C1QB: variants seen among roughly 807,000 people sequenced by gnomAD.
The protein encoded by C1QB is complement C1q B chain.
In C1QB, 2 loss-of-function variants were observed where a neutral mutation model predicts 4.6. The observed-to-expected ratio is 0.43, with a 90% CI of 0.18 to 1.36. The LOEUF (loss-of-function observed/expected upper bound fraction) is 1.36. Ranked by LOEUF, C1QB falls within the 40% of genes most tolerant of loss-of-function variation. The probability of loss-of-function intolerance (pLI) is 0.28; values close to 1 mark genes in which losing one functional copy is unlikely to be tolerated. For synonymous variants in C1QB, 132 were observed against 137.1 expected, an observed-to-expected ratio of 0.96 and a Z score of 0.26; for missense variants, 292 against 338.0, an observed-to-expected ratio of 0.86 and a Z score of 1.07.
At chr1:22,654,865 C>T (rs535382795) in intron 1 of C1QB, among the ~76,000 whole-genome samples, 53 of 152,362 alleles carry the variant, frequency 3.5e-4, no homozygotes, top group Non-Finnish European at 6.0e-4. Context: ...CCTACCACTA[C>T]CCTTGGTGTG....
intron 2 of C1QB, 116 bp from the exon 3 acceptor site, chr1:22,660,696 G>A (rs999377308): frequency 5.3e-5 from 58 of 1,084,632 alleles, no homozygotes; most frequent in African/African-American, 9.3e-5. Context: ...TGCCTCCTTC[G>A]TTTTACAGAT....
rs2148306591 is a variant in C1QB at position 22,661,385 on chromosome 1, G to A, written c.755G>A (p.Ter252=). ...GFLLFPDMEA[*] is the part of the protein sequence containing the mutation. ...CTGCTCTTTCCAGATATGGAGGCCT[G>A]ACCTGTGGGCTGCTTCACATCCACC... is the stretch of plus-strand genomic sequence containing the variant. Residue 252 remains the stop codon, a stop_retained_variant, in exon 3 of 3, where the codon TGA becomes TAA. Coordinates refer to ENST00000509305, the MANE Select transcript of C1QB (RefSeq NM_001378156.1). 6.2e-7 allele frequency: 1 copy of A among 1,613,818 alleles called. No individual in the cohort carries two copies. The highest frequency in any genetic ancestry group is 1.6e-4 in the Middle Eastern group (1 of 6,062).
At chr1:22,654,300 C>T (rs1642496180) in intron 1 of C1QB, 4 of 152,154 alleles carry the variant, frequency 2.6e-5, no homozygotes, top group African/African-American at 9.7e-5. Flanking sequence ...GGGCTAGAAC[C>T]AGCACTTTCC....
intron 2 of C1QB, 132 bp from the exon 3 acceptor site, chr1:22,660,680 T>C: frequency 1.1e-6 from 1 of 902,070 alleles, no homozygotes; most frequent in Non-Finnish European, 1.8e-6. Flanking sequence ...AGCCCCTGCC[T>C]GACACTGCCT....
chr1:22,658,611 G>A (rs566787158), intron 1 of C1QB, among the ~76,000 whole-genome samples: 6 of 152,364 alleles, frequency 3.9e-5, no homozygotes, highest in South Asian at 4.1e-4. Context: ...GACTGTATCC[G>A]TCTTGTTCTT....
intron 2 of C1QB, among the ~76,000 whole-genome samples, chr1:22,660,103 T>A (rs1642598461): frequency 6.6e-6 from 1 of 152,246 alleles, no homozygotes; most frequent in South Asian, 2.1e-4. Flanking sequence ...GGTTTATTCA[T>A]TCATTTAACC....
Position 22,659,474 on chromosome 1 carries a change from A to G in C1QB, c.12A>G (p.Pro4=), listed in dbSNP as rs1443010376. The G allele has an allele frequency of 6.2e-7, 1 of 1,613,912 alleles. No homozygotes were observed. The highest frequency in any genetic ancestry group is 8.5e-7 in the Non-Finnish European group (1 of 1,179,986). MKI[P]WGSIPVLMLL... is the part of the protein sequence containing the mutation. ...GACACAGTATGATGATGAAGATCCC[A>G]TGGGGCAGCATCCCAGTACTGATGT... Residue 4 remains proline, a synonymous_variant, in exon 2 of 3, where the codon CCA becomes CCG. Coordinates refer to ENST00000509305, the MANE Select transcript of C1QB (RefSeq NM_001378156.1).
In C1QB at chr1:22,661,065, C is replaced by T. The variant is rs530198220; in HGVS notation, c.435C>T (p.Thr145=). 1.1e-5 allele frequency: 17 copies of T among 1,614,108 alleles called. No homozygotes were observed. The highest frequency in any genetic ancestry group is 3.3e-5 in the Admixed American group (2 of 60,020). Residue 145 remains threonine, a synonymous_variant, in exon 3 of 3, where the codon ACC becomes ACT. Transcript: ENST00000509305. ...CCATCCGCTTCGACCACGTGATCAC[C>T]AACATGAACAACAATTATGAGCCCC... The part of the protein sequence containing the change: ...DQTIRFDHVI[T]NMNNNYEPRS...
intron 1 of C1QB, chr1:22,654,078 C>T (rs1410339585): frequency 1.3e-5 from 2 of 152,296 alleles, no homozygotes; most frequent in African/African-American, 4.8e-5. Context: ...GGTTATGCAG[C>T]CGGTAGCAGA....
chr1:22,659,915 G>A (rs189735932), intron 2 of C1QB, among the ~76,000 whole-genome samples: 4 of 152,292 alleles, frequency 2.6e-5, no homozygotes, highest in African/African-American at 7.2e-5. Flanking sequence ...TTAAATTCAG[G>A]TGGAGAGGGA....
intron 1 of C1QB, 94 bp from the exon 2 acceptor site, chr1:22,659,346 A>AGATGGATGGATG (rs140338008): frequency 4.4e-5 from 38 of 859,766 alleles, no homozygotes; most frequent in African/African-American, 2.6e-4. Flanking sequence ...AGGAATAGAG[A>AGATGGATGGATG]GATGGATGGA....
intron 1 of C1QB, 141 bp from the exon 2 acceptor site, chr1:22,659,298 AT>A: frequency 6.2e-6 from 4 of 640,870 alleles, no homozygotes; most frequent in East Asian, 7.5e-5. Flanking sequence ...AGAGAGATGG[AT>A]GGATGGATGG....
intron 1 of C1QB, among the ~76,000 whole-genome samples, chr1:22,656,451 A>T (rs1197582364): frequency 6.6e-6 from 1 of 152,146 alleles, no homozygotes; most frequent in East Asian, 1.9e-4. Flanking sequence ...AGGCAGGAGG[A>T]TGGCTTGAGC....
chr1:22,661,538 A>C lies in C1QB; in HGVS notation c.*152A>C. The C allele has an allele frequency of 1.1e-6, 1 of 870,908 alleles. No homozygotes were observed. Among genetic ancestry groups the C allele is most frequent in the South Asian group, 1.5e-5 (1 of 66,470 alleles). 53.9% of individuals were successfully genotyped at this position (870,908 alleles called of 1,614,324 possible). ...AATAAACTCTTCAAGGCCAAGGGAC[A>C]GTGGTCTAATTCAACTCTGTGTCCC... On this transcript the variant is annotated 3_prime_UTR_variant, in exon 3 of 3. Coordinates refer to ENST00000509305, the MANE Select transcript of C1QB (RefSeq NM_001378156.1).
intron 2 of C1QB, among the ~76,000 whole-genome samples, chr1:22,660,277 C>T (rs1642601268): frequency 6.6e-6 from 1 of 152,186 alleles, no homozygotes; most frequent in Admixed American, 6.5e-5. Flanking sequence ...GCAGATGTGA[C>T]ACGCAAAGCA....
chr1:22,659,692 T>G, intron 2 of C1QB, 49 bp downstream of exon 2: 1 of 1,559,992 alleles, frequency 6.4e-7, no homozygotes. Context: ...AAATTTCCCG[T>G]CTCCTGCCTC....
At chr1:22,653,597 A>G (rs1570092315) in intron 1 of C1QB, among the ~76,000 whole-genome samples, 1 of 152,144 alleles carries the variant, frequency 6.6e-6, no homozygotes, top group African/African-American at 2.4e-5. Context: ...CACCTTATGT[A>G]TTGGTTATCT....
At chr1:22,660,275 G>A (rs541951178) in intron 2 of C1QB, among the ~76,000 whole-genome samples, 3 of 152,286 alleles carry the variant, frequency 2.0e-5, no homozygotes, top group Non-Finnish European at 2.9e-5. Flanking sequence ...TGGCAGATGT[G>A]ACACGCAAAG....
At chr1:22,657,559 C>A (rs1183468484) in intron 1 of C1QB, among the ~76,000 whole-genome samples, 1 of 151,980 alleles carries the variant, frequency 6.6e-6, no homozygotes, top group African/African-American at 2.4e-5. Context: ...GGACAGAAAG[C>A]AGATTCATGG....
Sources: gnomAD v4.1 joint callset for allele counts (sites outside exome capture counted in the v4.1 genomes callset) on GRCh38, gnomAD v4.1.1 for gene constraint, MANE v1.5 for transcripts, NCBI Gene and HGNC (gene_info 2026-07-23, HGNC 2026-07-21) for gene names.